CAMTA1: variants seen among roughly 807,000 people sequenced by gnomAD.
The protein encoded by CAMTA1 is calmodulin binding transcription activator 1.
In CAMTA1, 27 loss-of-function variants were observed where a neutral mutation model predicts 170.9. The observed-to-expected ratio is 0.16, with a 90% confidence interval of 0.12 to 0.22. CAMTA1 has a LOEUF of 0.22. Among genes scored for constraint, CAMTA1 ranks in the 10% least tolerant of loss-of-function variants. The probability of loss-of-function intolerance (pLI) is 1.00; values close to 1 mark genes in which losing one functional copy is unlikely to be tolerated. For missense variants in CAMTA1, 1,619 were observed against 2,217.2 expected, an observed-to-expected ratio of 0.73 and a Z score of 5.42; for synonymous variants, 833 against 891.5, an observed-to-expected ratio of 0.93 and a Z score of 1.17.
At chr1:6,974,913 C>T (rs928591998) in intron 3 of CAMTA1, among the ~76,000 whole-genome samples, 1 of 152,194 alleles carries the variant, frequency 6.6e-6, no homozygotes, top group African/African-American at 2.4e-5. Flanking sequence ...TTGGAATAAA[C>T]ATAAGGCTTG....
chr1:7,186,685 G>T (rs1653346038), intron 4 of CAMTA1, among the ~76,000 whole-genome samples: 1 of 152,178 alleles, frequency 6.6e-6, no homozygotes, highest in South Asian at 2.1e-4. Context: ...GCTTACTTTA[G>T]AATGAGTTTT....
At chr1:7,137,065 T>C (rs929419698) in intron 4 of CAMTA1, among the ~76,000 whole-genome samples, 1 of 152,186 alleles carries the variant, frequency 6.6e-6, no homozygotes, top group African/African-American at 2.4e-5. Flanking sequence ...CATCACCTCT[T>C]ACCAAGCTGC....
At chr1:6,981,811 T>C (rs1256684741) in intron 3 of CAMTA1, among the ~76,000 whole-genome samples, 2 of 151,398 alleles carry the variant, frequency 1.3e-5, no homozygotes, top group African/African-American at 4.9e-5. Context: ...CTTGCTGCAG[T>C]GCTGACTCCT....
chr1:7,015,952 T>G (rs1700468838), intron 3 of CAMTA1, among the ~76,000 whole-genome samples: 2 of 152,202 alleles, frequency 1.3e-5, no homozygotes, highest in African/African-American at 4.8e-5. Context: ...CAGCCGGATC[T>G]CCTGAGAACT....
intron 4 of CAMTA1, among the ~76,000 whole-genome samples, chr1:7,127,539 G>A (rs530071094): frequency 5.7e-4 from 87 of 152,210 alleles, no homozygotes; most frequent in African/African-American, 1.7e-3. Flanking sequence ...TGCTGGTGTT[G>A]ATATGTGCCG....
intron 6 of CAMTA1, among the ~76,000 whole-genome samples, chr1:7,597,626 G>GAGT (rs2095410273): frequency 6.6e-6 from 1 of 152,098 alleles, no homozygotes; most frequent in Non-Finnish European, 1.5e-5. Flanking sequence ...AAATTCTACA[G>GAGT]AGTAGGTCAA....
chr1:7,472,568 T>G (rs1308672406), intron 6 of CAMTA1, among the ~76,000 whole-genome samples: 2 of 152,096 alleles, frequency 1.3e-5, no homozygotes, highest in African/African-American at 4.8e-5. Flanking sequence ...ATCACCCCTG[T>G]TTATAGATGA....
At position 7,732,628 on chromosome 1, in the gene CAMTA1, C is replaced by T; in HGVS notation, c.3066+29C>T. 1 of 1,543,006 alleles carries T rather than the reference C, an allele frequency of 6.5e-7. No homozygotes were observed. Among genetic ancestry groups the T allele is most frequent in the Non-Finnish European group, 8.7e-7 (1 of 1,143,702 alleles). On this transcript the variant is annotated intron_variant, in intron 12 of 22. Coordinates refer to ENST00000303635, the MANE Select transcript of CAMTA1 (RefSeq NM_015215.4). The surrounding 1 kb of genome is among the most constrained non-coding windows in gnomAD (Gnocchi z 4.1). ...CGAGGCGGTGCTGATGCTCAGCTCC[C>T]ATTTCGCTTCATGTTTATGGATTGG... is the stretch of plus-strand genomic sequence containing the variant.
In CAMTA1 at chr1:7,664,433, A is replaced by G. The variant is rs1200995254; in HGVS notation, c.1886A>G (p.Gln629Arg). 1 of 1,613,458 alleles carries G rather than the reference A, an allele frequency of 6.2e-7. No homozygotes were observed. The highest frequency in any genetic ancestry group is 1.3e-5 in the African/African-American group (1 of 75,046). ...GCCAGCAAACCCCTCCCCGTCGAGC[A>G]GAACACCCACAGCAGCCTGAGTGAC... The part of the protein sequence containing the change: ...QDASKPLPVE[Q>R]NTHSSLSDSG... Residue 629 changes from glutamine to arginine, a missense_variant, in exon 9 of 23, where the codon CAG (glutamine) becomes CGG (arginine). By Grantham distance (43) the Gln-to-Arg change is conservative (BLOSUM62 1). Coordinates refer to ENST00000303635, the MANE Select transcript of CAMTA1 (RefSeq NM_015215.4).
At chr1:7,620,771 C>G (rs1379306189) in intron 6 of CAMTA1, among the ~76,000 whole-genome samples, 17 of 152,120 alleles carry the variant, frequency 1.1e-4, no homozygotes, top group Non-Finnish European at 2.9e-5. Flanking sequence ...GCAGGCAAGT[C>G]CCCTGAGGCA....
At position 7,325,835 on chromosome 1, in the gene CAMTA1, G is replaced by A. The variant is rs191109243; in HGVS notation, c.438+76209G>A. ...TCAAGGGCAGATCCAGGTTTGGTTT[G>A]TTGTTGGTGGGTTTTTTTGTTTGTT... On this transcript the variant is annotated intron_variant, in intron 5 of 22. Coordinates refer to ENST00000303635, the MANE Select transcript of CAMTA1 (RefSeq NM_015215.4). The surrounding 1 kb of genome is among the most constrained non-coding windows in gnomAD (Gnocchi z 5.0). Among the ~76,000 whole-genome samples, 2 of 149,826 alleles carry A rather than the reference G, an allele frequency of 1.3e-5. No individual in the cohort carries two copies. Among genetic ancestry groups the A allele is most frequent in the African/African-American group, 4.9e-5 (2 of 41,172 alleles).
intron 1 of CAMTA1, among the ~76,000 whole-genome samples, chr1:6,809,014 C>T (rs1484165915): frequency 6.7e-6 from 1 of 148,696 alleles, no homozygotes; most frequent in Non-Finnish European, 1.5e-5. Context: ...CACTGTTTTT[C>T]TTCTTCTTCT....
intron 5 of CAMTA1, among the ~76,000 whole-genome samples, chr1:7,272,712 A>AAAAAAAAAAAAAAG (rs1670017608): frequency 2.2e-4 from 24 of 109,928 alleles, no homozygotes; most frequent in Admixed American, 3.4e-4. Context: ...AAAAAAAAAA[A>AAAAAAAAAAAAAAG]AAAAGAAAAG....
chr1:7,114,057 C>T (rs1378042698), intron 4 of CAMTA1, among the ~76,000 whole-genome samples: 1 of 152,240 alleles, frequency 6.6e-6, no homozygotes, highest in Non-Finnish European at 1.5e-5. Context: ...CCCATCCTCT[C>T]TCCTTGGACT....
At chr1:7,467,694 G>A (rs1392987044) in intron 5 of CAMTA1, 136 bp from the exon 6 acceptor site, 10 of 811,078 alleles carry the variant, frequency 1.2e-5, no homozygotes, top group South Asian at 5.4e-5. Flanking sequence ...GGAGCCAGAC[G>A]CAGAGGTGCC....
chr1:7,303,885 C>T (rs900856201), intron 5 of CAMTA1, among the ~76,000 whole-genome samples: 2 of 152,122 alleles, frequency 1.3e-5, no homozygotes, highest in Non-Finnish European at 2.9e-5. Flanking sequence ...CAACAGCAAG[C>T]GAAAGCCTTT....
intron 4 of CAMTA1, among the ~76,000 whole-genome samples, chr1:7,124,773 G>T (rs763037281): frequency 1.3e-5 from 2 of 152,208 alleles, no homozygotes; most frequent in Non-Finnish European, 2.9e-5. Flanking sequence ...TGCATGGGAC[G>T]AATGAACTTG....
In CAMTA1 at chr1:7,224,034, C is replaced by CCA. The variant is rs1452859965; in HGVS notation, c.303-25454_303-25453dup. Among the ~76,000 whole-genome samples, 1 of 152,098 alleles carries CCA rather than the reference C, an allele frequency of 6.6e-6. No individual in the cohort carries two copies. The highest frequency in any genetic ancestry group is 1.5e-5 in the Non-Finnish European group (1 of 68,018). On this transcript the variant is annotated intron_variant, in intron 4 of 22. Transcript: ENST00000303635. This position sits in a 1 kb window ranked among gnomAD's most constrained non-coding sequence, Gnocchi z 5.2. ...CAGAGATCTTCTGGGTGTGTAATGACCACAGACTAATCTTAATCATAATCA... is the reference window on the plus strand; with the variant it reads ...CAGAGATCTTCTGGGTGTGTAATGACCACACAGACTAATCTTAATCATAATCA...
rs560755481 is a variant in CAMTA1 at position 7,714,438 on chromosome 1, T to C, written c.2915-18010T>C. The stretch of plus-strand genomic sequence containing the variant: ...GCTTCGATGAAATGGTGCTTTGGTG[T>C]TCCTTAATACCAAACAGTAATAAAC... On this transcript the variant is annotated intron_variant, in intron 11 of 22. Coordinates refer to ENST00000303635, the MANE Select transcript of CAMTA1 (RefSeq NM_015215.4). 5.3e-5 allele frequency among the ~76,000 whole-genome samples: 8 copies of C among 152,340 alleles called. No individual in the cohort carries two copies. In the South Asian group the frequency reaches 1.5e-3, roughly 28 times the overall value.
Sources: gnomAD v4.1 joint callset for allele counts (sites outside exome capture counted in the v4.1 genomes callset) on GRCh38, gnomAD v4.1.1 for gene constraint, Gnocchi (gnomAD v3.1) non-coding constraint, MANE v1.5 for transcripts, NCBI Gene and HGNC (gene_info 2026-07-23, HGNC 2026-07-21) for gene names.